Variants in GRM7 observed in about 807,000 individuals in gnomAD.
GRM7 encodes the protein glutamate metabotropic receptor 7.
Under a neutral mutation model 84.5 loss-of-function variants are expected in GRM7, and 35 were observed. The observed-to-expected ratio is 0.41, with a 90% CI of 0.32 to 0.55. The LOEUF (loss-of-function observed/expected upper bound fraction) is 0.55, where lower values mean the gene tolerates loss of function less well. Among genes scored for constraint, GRM7 ranks in the 20% least tolerant of loss-of-function variants. The probability of loss-of-function intolerance (pLI) is 0.19; values close to 1 mark genes in which losing one functional copy is unlikely to be tolerated. For synonymous variants in GRM7, 487 were observed against 455.1 expected (o/e 1.07, Z -0.89); for missense variants, 1,003 against 1,194.6 (o/e 0.84, Z 2.36).
chr3:6,873,833 A>T (rs1695210569), intron 1 of GRM7, among the ~76,000 whole-genome samples: 1 of 152,214 alleles, frequency 6.6e-6, no homozygotes, highest in Non-Finnish European at 1.5e-5. Flanking sequence ...ATTGTTGCCC[A>T]TTGAAACAAT....
chr3:7,463,141 T>C (rs1274578236), intron 7 of GRM7, among the ~76,000 whole-genome samples: 1 of 152,148 alleles, frequency 6.6e-6, no homozygotes, highest in East Asian at 1.9e-4. Context: ...AGGTCTATGG[T>C]ACATAGGTGA....
chr3:7,667,280 A>AAAG (rs1553634441), intron 8 of GRM7, among the ~76,000 whole-genome samples: 7 of 148,908 alleles, frequency 4.7e-5, no homozygotes, highest in South Asian at 2.1e-4. Flanking sequence ...AAAAAAAAAA[A>AAAG]AGAGAGAGAG....
intron 8 of GRM7, among the ~76,000 whole-genome samples, chr3:7,676,781 G>C (rs991335507): frequency 2.6e-5 from 4 of 152,152 alleles, no homozygotes; most frequent in African/African-American, 9.7e-5. Flanking sequence ...ACAGTATTCA[G>C]TATTGTAACA....
At chr3:7,211,235 G>T (rs1250806086) in intron 2 of GRM7, among the ~76,000 whole-genome samples, 1 of 152,132 alleles carries the variant, frequency 6.6e-6, no homozygotes, top group Non-Finnish European at 1.5e-5. Context: ...GATGAATTCT[G>T]CATAAACTCT....
At chr3:7,394,808 C>T (rs1339892850) in intron 4 of GRM7, among the ~76,000 whole-genome samples, 2 of 152,014 alleles carry the variant, frequency 1.3e-5, no homozygotes, top group East Asian at 1.9e-4. Context: ...GAGGCCAAGG[C>T]GGGCAGGTCA....
intron 7 of GRM7, among the ~76,000 whole-genome samples, chr3:7,510,764 T>C (rs1301437078): frequency 6.6e-6 from 1 of 152,120 alleles, no homozygotes; most frequent in Admixed American, 6.5e-5. Flanking sequence ...AAGAATAATA[T>C]GTCATGACAT....
intron 1 of GRM7, among the ~76,000 whole-genome samples, chr3:6,873,556 G>A (rs568858893): frequency 1.3e-5 from 2 of 152,230 alleles, no homozygotes; most frequent in East Asian, 3.9e-4. Context: ...GTCTGCATAG[G>A]CCTGTTTTCA....
At chr3:7,148,484 A>G (rs536076074) in intron 2 of GRM7, among the ~76,000 whole-genome samples, 1 of 152,178 alleles carries the variant, frequency 6.6e-6, no homozygotes, top group Non-Finnish European at 1.5e-5. Context: ...TACAGTGTTC[A>G]TGAGGTCAAA....
intron 5 of GRM7, among the ~76,000 whole-genome samples, chr3:7,439,246 G>GA (rs996437239): frequency 4.6e-5 from 7 of 152,062 alleles, no homozygotes; most frequent in African/African-American, 1.7e-4. Flanking sequence ...CATTTGTATA[G>GA]AAAAAATCTT....
chr3:6,876,182 C>T (rs567514620), intron 1 of GRM7, among the ~76,000 whole-genome samples: 11 of 152,038 alleles, frequency 7.2e-5, no homozygotes, highest in African/African-American at 2.4e-4. Context: ...GCACAAGAAT[C>T]GCTTGAACCC....
At chr3:7,561,871 A>T (rs1255666394) in intron 7 of GRM7, among the ~76,000 whole-genome samples, 1 of 152,152 alleles carries the variant, frequency 6.6e-6, no homozygotes. Flanking sequence ...CATACACTTC[A>T]ACAGCCTTCT....
chr3:7,740,371 A>C lies in GRM7; in HGVS notation c.2713A>C (p.Lys905Gln), dbSNP rs767227029. The C allele has an allele frequency of 6.3e-7, 1 of 1,590,534 alleles. No homozygotes were observed. The highest frequency in any genetic ancestry group is 2.3e-5 in the East Asian group (1 of 43,960). ...TTTTCTTTCAGGCCCTGCTGCAAAA[A>C]AGAAGTATGTCAGTTATAATAACCT... ...NVDPNSPAAKKKYVSYNNLVI is the reference protein window; with the variant it reads ...NVDPNSPAAKQKYVSYNNLVI The change falls in exon 10 of 10, where the codon AAG becomes CAG. Residue 905 changes from lysine (K) to glutamine (Q), a missense_variant. By Grantham distance (53) the Lys-to-Gln change is moderately conservative. Around this residue, in one of 2 missense-constraint regions of GRM7, gnomAD observed 910 missense variants for 1,126.0 expected, o/e 0.81. Coordinates refer to ENST00000357716, the MANE Select transcript of GRM7 (RefSeq NM_000844.4).
chr3:7,406,196 A>G (rs1344803389), intron 4 of GRM7, among the ~76,000 whole-genome samples: 1 of 152,026 alleles, frequency 6.6e-6, no homozygotes, highest in Non-Finnish European at 1.5e-5. Context: ...TATCTTTAAT[A>G]ACTACTTTTA....
chr3:6,976,083 C>A (rs532349403), intron 1 of GRM7, among the ~76,000 whole-genome samples: 2 of 152,142 alleles, frequency 1.3e-5, no homozygotes, highest in Non-Finnish European at 2.9e-5. Context: ...TCTCACTGAG[C>A]TTTCCGGTTT....
chr3:7,706,624 G>A (rs768388688), intron 9 of GRM7, among the ~76,000 whole-genome samples: 2 of 152,178 alleles, frequency 1.3e-5, no homozygotes, highest in Non-Finnish European at 2.9e-5. Flanking sequence ...GTGGAGTCCT[G>A]TCCACATGCA....
intron 1 of GRM7, among the ~76,000 whole-genome samples, chr3:7,132,958 T>C (rs1019258797): frequency 4.6e-5 from 7 of 152,212 alleles, no homozygotes; most frequent in African/African-American, 1.7e-4. Context: ...ATCGATTTTT[T>C]TTTTACTAGA....
At chr3:7,588,512 A>T (rs1456988061) in intron 8 of GRM7, among the ~76,000 whole-genome samples, 1 of 152,204 alleles carries the variant, frequency 6.6e-6, no homozygotes, top group Non-Finnish European at 1.5e-5. Context: ...GGTTTCAAGG[A>T]GGGCCCCTGT....
At chr3:7,365,864 A>T (rs1575226031) in intron 4 of GRM7, among the ~76,000 whole-genome samples, 2 of 150,900 alleles carry the variant, frequency 1.3e-5, no homozygotes, top group Admixed American at 1.3e-4. Flanking sequence ...AAGGATCTGG[A>T]TGCCCTTCTC....
intron 9 of GRM7, among the ~76,000 whole-genome samples, chr3:7,685,206 G>A (rs1056313068): frequency 2.6e-5 from 4 of 152,112 alleles, no homozygotes; most frequent in East Asian, 1.9e-4. Flanking sequence ...TGGGATGGGC[G>A]GATAAGAACT....
Sources: allele counts gnomAD v4.1 joint callset (sites outside exome capture counted in the v4.1 genomes callset), GRCh38; gene constraint gnomAD v4.1.1; regional missense constraint gnomAD v4.1.1; transcripts MANE v1.5; gene names NCBI Gene and HGNC (gene_info 2026-07-23, HGNC 2026-07-21).